The following PDE4B variants were observed in gnomAD, a reference collection of about 807,000 sequenced individuals.
PDE4B encodes the protein phosphodiesterase 4B.
PDE4B carries 20 observed loss-of-function variants against 82.2 expected under a neutral mutation model. The observed-to-expected ratio is 0.24, with a 90% CI of 0.17 to 0.35. PDE4B has a LOEUF of 0.35. PDE4B is among the 10% of genes least tolerant of loss of function. PDE4B has a pLI of 1.00. For missense variants in PDE4B, 655 were observed against 907.2 expected (o/e 0.72, Z 3.57); for synonymous variants, 320 against 318.9 (o/e 1.00, Z -0.04).
intron 7 of PDE4B, among the ~76,000 whole-genome samples, chr1:66,300,837 C>T (rs999269579): frequency 1.3e-5 from 2 of 152,184 alleles, no homozygotes; most frequent in African/African-American, 4.8e-5. Flanking sequence ...GTCCCGTTTT[C>T]AGTGTCCAAG....
chr1:66,242,125 G>T (rs1652938794), intron 3 of PDE4B, among the ~76,000 whole-genome samples: 1 of 152,158 alleles, frequency 6.6e-6, no homozygotes, highest in Non-Finnish European at 1.5e-5. Context: ...GAATCAAGGA[G>T]TCTAAGGGGA....
intron 12 of PDE4B, among the ~76,000 whole-genome samples, chr1:66,364,061 G>T (rs973035748): frequency 6.6e-6 from 1 of 152,066 alleles, no homozygotes; most frequent in Non-Finnish European, 1.5e-5. Context: ...TCTACTAAGG[G>T]ATGCAGTGTA....
intron 3 of PDE4B, among the ~76,000 whole-genome samples, chr1:66,027,741 G>A (rs1458561456): frequency 6.6e-6 from 1 of 152,168 alleles, no homozygotes; most frequent in Admixed American, 6.5e-5. Context: ...GCCCATGCAA[G>A]TCCAAAATCC....
intron 3 of PDE4B, among the ~76,000 whole-genome samples, chr1:65,977,572 TACTTTGTGC>T (rs1650474010): frequency 6.6e-6 from 1 of 152,236 alleles, no homozygotes; most frequent in Non-Finnish European, 1.5e-5. Flanking sequence ...GTACTTTTTG[TACTTTGTGC>T]ACTTTGTAAT....
At chr1:66,194,994 G>A (rs1005147996) in intron 3 of PDE4B, among the ~76,000 whole-genome samples, 4 of 152,120 alleles carry the variant, frequency 2.6e-5, no homozygotes, top group Non-Finnish European at 5.9e-5. Context: ...GTGATGATTA[G>A]TAATGAGTTT....
chr1:65,844,307 C>T (rs1171495792), intron 1 of PDE4B, among the ~76,000 whole-genome samples: 1 of 152,148 alleles, frequency 6.6e-6, no homozygotes, highest in Non-Finnish European at 1.5e-5. Context: ...AGGTATCCTA[C>T]AATTTAGCTA....
chr1:65,993,998 G>A (rs1651394497), intron 3 of PDE4B, among the ~76,000 whole-genome samples: 1 of 151,956 alleles, frequency 6.6e-6, no homozygotes, highest in African/African-American at 2.4e-5. Flanking sequence ...TTTTTTGGAG[G>A]CTATATTTTC....
chr1:66,090,915 G>A (rs753449802), intron 3 of PDE4B, among the ~76,000 whole-genome samples: 2 of 151,754 alleles, frequency 1.3e-5, no homozygotes, highest in Admixed American at 1.3e-4. Context: ...TTACAAGTGC[G>A]TTTTCTTTAA....
At chr1:66,193,948 A>T (rs1010080948) in intron 3 of PDE4B, among the ~76,000 whole-genome samples, 5 of 109,638 alleles carry the variant, frequency 4.6e-5, no homozygotes, top group African/African-American at 1.5e-4. Context: ...GAGATTTGAA[A>T]TCTTTTTTTT....
At chr1:66,340,231 C>T (rs1262641851) in intron 8 of PDE4B, among the ~76,000 whole-genome samples, 1 of 152,190 alleles carries the variant, frequency 6.6e-6, no homozygotes, top group Non-Finnish European at 1.5e-5. Context: ...TGTTTAGTCT[C>T]TTGTGTATTT....
chr1:66,008,353 C>A (rs1652275381), intron 3 of PDE4B, among the ~76,000 whole-genome samples: 1 of 152,208 alleles, frequency 6.6e-6, no homozygotes, highest in South Asian at 2.1e-4. Context: ...TTGTCAACCA[C>A]CTGCTTGATT....
intron 7 of PDE4B, among the ~76,000 whole-genome samples, chr1:66,313,196 C>G (rs1045509234): frequency 6.6e-6 from 1 of 152,200 alleles, no homozygotes; most frequent in African/African-American, 2.4e-5. Context: ...CAGGCAAGCT[C>G]CTATTTATCC....
At chr1:65,938,134 C>T (rs1335669403) in intron 3 of PDE4B, among the ~76,000 whole-genome samples, 1 of 152,120 alleles carries the variant, frequency 6.6e-6, no homozygotes. Context: ...TCCTTTTTCT[C>T]CTTAGCCCCA....
chr1:65,861,295 T>G (rs1442283550), intron 1 of PDE4B, among the ~76,000 whole-genome samples: 1 of 152,228 alleles, frequency 6.6e-6, no homozygotes, highest in Non-Finnish European at 1.5e-5. Context: ...CACCATTTAT[T>G]AAATAGAGAA....
chr1:65,987,916 G>T (rs1651040366), intron 3 of PDE4B, among the ~76,000 whole-genome samples: 1 of 152,232 alleles, frequency 6.6e-6, no homozygotes, highest in African/African-American at 2.4e-5. Context: ...ACCCGGACTT[G>T]CGTCTTGATA....
intron 1 of PDE4B, among the ~76,000 whole-genome samples, chr1:65,811,959 C>T (rs1296971540): frequency 6.6e-6 from 1 of 151,660 alleles, no homozygotes; most frequent in African/African-American, 2.4e-5. Context: ...AAAAGTAAAG[C>T]CAAACAAACA....
intron 3 of PDE4B, among the ~76,000 whole-genome samples, chr1:65,998,284 G>C (rs1030054138): frequency 6.6e-6 from 1 of 152,140 alleles, no homozygotes; most frequent in Non-Finnish European, 1.5e-5. Flanking sequence ...AATACACATA[G>C]TTCACTGGGG....
At chr1:66,211,529 A>G (rs1650049167) in intron 3 of PDE4B, among the ~76,000 whole-genome samples, 1 of 152,224 alleles carries the variant, frequency 6.6e-6, no homozygotes, top group South Asian at 2.1e-4. Context: ...TTAAATAATA[A>G]TGCTGTATAA....
intron 12 of PDE4B, among the ~76,000 whole-genome samples, chr1:66,365,063 G>A (rs935375453): frequency 1.3e-5 from 2 of 152,162 alleles, no homozygotes; most frequent in African/African-American, 4.8e-5. Context: ...GACATGACAT[G>A]AAGGAATTCA....
Sources: allele counts gnomAD v4.1 joint callset (sites outside exome capture counted in the v4.1 genomes callset), GRCh38; gene constraint gnomAD v4.1.1; transcripts MANE v1.5; gene names NCBI Gene and HGNC (gene_info 2026-07-23, HGNC 2026-07-21).